CAMTA1: variants seen among roughly 807,000 people sequenced by gnomAD.
CAMTA1 encodes the protein calmodulin-binding transcription activator 1.
A neutral mutation model predicts 170.9 loss-of-function variants in CAMTA1; 27 were observed. The ratio of observed to expected loss-of-function variants is 0.16; its 90% CI spans 0.12 to 0.22. The LOEUF (loss-of-function observed/expected upper bound fraction) is 0.22, where lower values mean the gene tolerates loss of function less well. CAMTA1 is among the 10% of genes least tolerant of loss of function. The probability of loss-of-function intolerance (pLI) is 1.00; values close to 1 mark genes in which losing one functional copy is unlikely to be tolerated. For synonymous variants in CAMTA1, 833 were observed against 891.5 expected, an observed-to-expected ratio of 0.93 and a Z score of 1.17; for missense variants, 1,619 against 2,217.2, an observed-to-expected ratio of 0.73 and a Z score of 5.42.
intron 4 of CAMTA1, among the ~76,000 whole-genome samples, chr1:7,190,243 C>G (rs1490694609): frequency 6.6e-6 from 1 of 151,922 alleles, no homozygotes; most frequent in Non-Finnish European, 1.5e-5. Context: ...AACTTACTCA[C>G]GTAACCAAAT....
chr1:7,276,291 A>ATTTTTTTT lies in CAMTA1; in HGVS notation c.438+26666_438+26667insTTTTTTTT, dbSNP rs1257658481. Among the ~76,000 whole-genome samples the ATTTTTTTT allele has an allele frequency of 2.6e-3, 131 of 51,270 alleles. 9 individuals carry two copies. Among genetic ancestry groups the ATTTTTTTT allele is most frequent in the Non-Finnish European group, 3.4e-3 (112 of 33,106 alleles). 33.6% of individuals were successfully genotyped at this position (51,270 alleles called of 152,430 possible). ...CCTACACCTGATCATATATATATAT[A>ATTTTTTTT]TATATATATATATTTTTTTTTTTTT... is the stretch of plus-strand genomic sequence containing the variant. On this transcript the variant is annotated intron_variant, in intron 5 of 22. Coordinates refer to ENST00000303635, the MANE Select transcript of CAMTA1 (RefSeq NM_015215.4).
At chr1:7,009,510 G>A (rs897067162) in intron 3 of CAMTA1, among the ~76,000 whole-genome samples, 1 of 152,176 alleles carries the variant, frequency 6.6e-6, no homozygotes, top group African/African-American at 2.4e-5. Flanking sequence ...CATCTGCACT[G>A]CCAGGGCTGC....
chr1:6,994,207 A>G (rs1014034359), intron 3 of CAMTA1, among the ~76,000 whole-genome samples: 2 of 152,138 alleles, frequency 1.3e-5, no homozygotes, highest in Non-Finnish European at 2.9e-5. Flanking sequence ...AAACAGCCAC[A>G]TGTGTTTTAT....
At chr1:6,942,878 T>C (rs936672156) in intron 3 of CAMTA1, among the ~76,000 whole-genome samples, 2 of 152,190 alleles carry the variant, frequency 1.3e-5, no homozygotes, top group African/African-American at 4.8e-5. Flanking sequence ...CTTCAGTCTG[T>C]GCTTGGACAC....
At chr1:7,521,919 A>T (rs368889924) in intron 6 of CAMTA1, among the ~76,000 whole-genome samples, 15 of 152,166 alleles carry the variant, frequency 9.9e-5, no homozygotes, top group African/African-American at 3.1e-4. Context: ...TGAACCATTT[A>T]CTCATTGAAG....
intron 6 of CAMTA1, among the ~76,000 whole-genome samples, chr1:7,621,771 C>T (rs973762905): frequency 2.6e-5 from 4 of 152,140 alleles, no homozygotes; most frequent in Admixed American, 6.5e-5. Flanking sequence ...CCGAGCAGGT[C>T]GGGGGTGCCA....
intron 6 of CAMTA1, among the ~76,000 whole-genome samples, chr1:7,485,618 C>T (rs558988469): frequency 3.5e-4 from 54 of 152,256 alleles, no homozygotes; most frequent in African/African-American, 1.3e-3. Flanking sequence ...GGCTCTGGGC[C>T]CCTGGGTGAG....
Position 7,718,090 on chromosome 1 carries a change from G to A in CAMTA1, c.2915-14358G>A, listed in dbSNP as rs187162234. Among the ~76,000 whole-genome samples, 6 of 152,196 alleles carry A rather than the reference G, an allele frequency of 3.9e-5. No homozygotes were observed. In the East Asian group the frequency reaches 9.7e-4, roughly 24 times the overall value. ...ATGAGACCGAGTTTCTGGTGACAAA[G>A]GCTCATATCGTGTTGGGTTTTTGTA... On this transcript the variant is annotated intron_variant, in intron 11 of 22. Transcript: ENST00000303635.
At chr1:7,395,589 G>A (rs1363290589) in intron 5 of CAMTA1, among the ~76,000 whole-genome samples, 1 of 152,036 alleles carries the variant, frequency 6.6e-6, no homozygotes, top group Non-Finnish European at 1.5e-5. Flanking sequence ...TTTCCTGATT[G>A]TTTTATCTGT....
At chr1:6,820,344 G>C in intron 2 of CAMTA1, 94 bp downstream of exon 2, 6 of 1,262,150 alleles carry the variant, frequency 4.8e-6, no homozygotes, top group Non-Finnish European at 6.9e-6. Context: ...CCTTCAGCCC[G>C]GACTCAGAAG....
chr1:7,640,582 C>A (rs2148934839), intron 7 of CAMTA1, 29 bp downstream of exon 7: 1 of 1,613,526 alleles, frequency 6.2e-7, no homozygotes, highest in South Asian at 1.1e-5. Flanking sequence ...CCTGGCGCCC[C>A]CACGCTGGGA....
At chr1:7,339,468 C>T (rs946739174) in intron 5 of CAMTA1, among the ~76,000 whole-genome samples, 1 of 152,162 alleles carries the variant, frequency 6.6e-6, no homozygotes, top group Non-Finnish European at 1.5e-5. Context: ...AGGTCTAAGA[C>T]GCACACCCAG....
intron 5 of CAMTA1, among the ~76,000 whole-genome samples, chr1:7,353,428 TCTC>T (rs386628150): frequency 3.1e-5 from 1 of 31,794 alleles, no homozygotes; most frequent in African/African-American, 9.1e-5. Flanking sequence ...TTTTTCTTTC[TCTC>T]TTTTTTTTTT....
In CAMTA1 at chr1:7,333,621, G is replaced by C. The variant is rs1358264861; in HGVS notation, c.438+83995G>C. Among the ~76,000 whole-genome samples the C allele has an allele frequency of 2.0e-5, 3 of 152,224 alleles. No homozygotes were observed. Among genetic ancestry groups the C allele is most frequent in the Non-Finnish European group, 4.4e-5 (3 of 68,044 alleles). On this transcript the variant is annotated intron_variant, in intron 5 of 22. Coordinates refer to ENST00000303635, the MANE Select transcript of CAMTA1 (RefSeq NM_015215.4). The surrounding 1 kb of genome is among the most constrained non-coding windows in gnomAD (Gnocchi z 4.4). ...GAAAAGGCTGAGGGGCTTAAATGCT[G>C]CTGTCGTCCCAGCTTCTAGGGAGGC...
chr1:7,333,710 T>C lies in CAMTA1; in HGVS notation c.438+84084T>C, dbSNP rs1172865940. Among the ~76,000 whole-genome samples, 2 of 152,232 alleles carry C rather than the reference T, an allele frequency of 1.3e-5. No individual in the cohort carries two copies. Among genetic ancestry groups the C allele is most frequent in the African/African-American group, 4.8e-5 (2 of 41,472 alleles). Reference sequence around the variant, plus strand: ...AAGCATCCCGGTGATCTGTGTGCCTTGCAGGGGCGTGGAGCCTGGTGTATT... The same window carrying C: ...AAGCATCCCGGTGATCTGTGTGCCTCGCAGGGGCGTGGAGCCTGGTGTATT... On this transcript the variant is annotated intron_variant, in intron 5 of 22. Coordinates refer to ENST00000303635, the MANE Select transcript of CAMTA1 (RefSeq NM_015215.4). The surrounding 1 kb of genome is among the most constrained non-coding windows in gnomAD (Gnocchi z 4.4).
intron 3 of CAMTA1, among the ~76,000 whole-genome samples, chr1:7,047,221 C>T (rs1705534023): frequency 6.6e-6 from 1 of 152,134 alleles, no homozygotes; most frequent in Non-Finnish European, 1.5e-5. Flanking sequence ...TTGTTGAAGC[C>T]ACTGAACTGT....
chr1:7,712,695 A>G (rs2096579841), intron 11 of CAMTA1, among the ~76,000 whole-genome samples: 2 of 152,236 alleles, frequency 1.3e-5, no homozygotes, highest in Admixed American at 1.3e-4. Context: ...AATTAAAACA[A>G]GGATAGGGAA....
intron 1 of CAMTA1, among the ~76,000 whole-genome samples, chr1:6,813,603 G>A (rs113832593): frequency 3.8e-4 from 58 of 151,900 alleles, no homozygotes; most frequent in African/African-American, 1.3e-3. Context: ...CTGAGAGGTC[G>A]TATTTACAGT....
At chr1:7,579,369 G>A (rs2095235458) in intron 6 of CAMTA1, among the ~76,000 whole-genome samples, 1 of 152,150 alleles carries the variant, frequency 6.6e-6, no homozygotes. Flanking sequence ...GAGGGCCCTG[G>A]GCATGGCAGC....
Sources: gnomAD v4.1 joint callset for allele counts (sites outside exome capture counted in the v4.1 genomes callset) on GRCh38, gnomAD v4.1.1 for gene constraint, Gnocchi (gnomAD v3.1) non-coding constraint, MANE v1.5 for transcripts, NCBI Gene and HGNC (gene_info 2026-07-23, HGNC 2026-07-21) for gene names.